Variants in POU2F1 observed in about 807,000 individuals in gnomAD.
POU2F1 encodes POU class 2 homeobox 1, also known as POU domain, class 2, transcription factor 1.
In POU2F1, 16 loss-of-function variants were observed where a neutral mutation model predicts 84.9. The ratio of observed to expected loss-of-function variants is 0.19; its 90% CI spans 0.13 to 0.29. The LOEUF is 0.29. POU2F1 is among the 10% of genes least tolerant of loss of function. POU2F1 has a pLI of 1.00. For synonymous variants in POU2F1, 368 were observed against 368.3 expected (o/e 1.00, Z 0.01); for missense variants, 738 against 942.6 (o/e 0.78, Z 2.84).
intron 1 of POU2F1, among the ~76,000 whole-genome samples, chr1:167,302,411 T>A (rs1259483462): frequency 1.3e-5 from 2 of 151,908 alleles, no homozygotes; most frequent in African/African-American, 2.4e-5. Flanking sequence ...CAGGCATGCA[T>A]CACCATGCCT....
At chr1:167,275,651 A>G (rs930822684) in intron 1 of POU2F1, among the ~76,000 whole-genome samples, 1 of 151,992 alleles carries the variant, frequency 6.6e-6, no homozygotes, top group African/African-American at 2.4e-5. Context: ...TAGGGCAAGG[A>G]AAAAAAAGAC....
chr1:167,324,412 G>A (rs183900898), intron 1 of POU2F1, among the ~76,000 whole-genome samples: 63 of 147,304 alleles, frequency 4.3e-4, no homozygotes, highest in African/African-American at 1.7e-3. Flanking sequence ...AGTGAAAAAC[G>A]TAAAAATCTT....
At chr1:167,231,726 A>C (rs760526632) in intron 1 of POU2F1, among the ~76,000 whole-genome samples, 22 of 152,210 alleles carry the variant, frequency 1.4e-4, no homozygotes, top group Non-Finnish European at 2.8e-4. Flanking sequence ...AATGAGTAGA[A>C]TACGAGAGAT....
At chr1:167,265,736 T>C (rs913167786) in intron 1 of POU2F1, among the ~76,000 whole-genome samples, 13 of 151,656 alleles carry the variant, frequency 8.6e-5, no homozygotes, top group African/African-American at 3.2e-4. Context: ...ACATTTTTGA[T>C]TGTCACAACC....
intron 1 of POU2F1, among the ~76,000 whole-genome samples, chr1:167,284,476 C>T (rs1223360353): frequency 1.3e-5 from 2 of 152,148 alleles, no homozygotes; most frequent in Non-Finnish European, 2.9e-5. Context: ...TCCATTGCTA[C>T]CTGACAGAAT....
At chr1:167,231,984 A>G (rs112776918) in intron 1 of POU2F1, among the ~76,000 whole-genome samples, 6 of 152,164 alleles carry the variant, frequency 3.9e-5, no homozygotes, top group African/African-American at 1.2e-4. Context: ...AGGATTCCCT[A>G]CTCGTGTGCC....
chr1:167,291,701 T>A (rs1021136879), intron 1 of POU2F1, among the ~76,000 whole-genome samples: 2 of 152,206 alleles, frequency 1.3e-5, no homozygotes, highest in Non-Finnish European at 2.9e-5. Flanking sequence ...AGGTGCTAGG[T>A]GCTTTCCTCA....
chr1:167,262,720 TG>T (rs1473356763), intron 1 of POU2F1, among the ~76,000 whole-genome samples: 2 of 151,906 alleles, frequency 1.3e-5, no homozygotes, highest in African/African-American at 4.8e-5. Flanking sequence ...ATGCTTAGAG[TG>T]GCAGTAACAA....
chr1:167,415,421 T>C, intron 15 of POU2F1, 79 bp from the exon 16 acceptor site: 1 of 1,463,244 alleles, frequency 6.8e-7, no homozygotes, highest in Admixed American at 1.9e-5. Context: ...AATGATAGAC[T>C]TTTGATGTGT....
chr1:167,308,672 C>G (rs568621735), intron 1 of POU2F1, among the ~76,000 whole-genome samples: 1 of 152,200 alleles, frequency 6.6e-6, no homozygotes, highest in South Asian at 2.1e-4. Flanking sequence ...ACTATAGGTG[C>G]ATGCCACAAC....
chr1:167,389,609 A>G lies in POU2F1; in HGVS notation c.835A>G (p.Ile279Val), dbSNP rs1648243501. Reference sequence around the variant, plus strand: ...ACAGCCAGCAACCCCAACACGCACAATAGCAGCAACCCCAATTCAGACACT... The same window carrying G: ...ACAGCCAGCAACCCCAACACGCACAGTAGCAGCAACCCCAATTCAGACACT... The part of the protein sequence containing the change: ...TSQPATPTRT[I>V]AATPIQTLPQ... The change falls in exon 9 of 16, where the codon ATA becomes GTA. Residue 279 changes from isoleucine (I) to valine (V), a missense_variant. Physicochemically the swap from Ile to Val is conservative, Grantham distance 29. Transcript: ENST00000367866. 7 of 1,614,174 alleles carry G rather than the reference A, an allele frequency of 4.3e-6. No homozygotes were observed. The highest frequency in any genetic ancestry group is 2.7e-5 in the African/African-American group (2 of 75,042).
At chr1:167,392,944 T>C (rs904082801) in intron 9 of POU2F1, among the ~76,000 whole-genome samples, 1 of 152,362 alleles carries the variant, frequency 6.6e-6, no homozygotes, top group South Asian at 2.1e-4. Context: ...CAAAAAAAGC[T>C]CTATTCTCTG....
chr1:167,306,128 C>T (rs1322851012), intron 1 of POU2F1, among the ~76,000 whole-genome samples: 1 of 152,170 alleles, frequency 6.6e-6, no homozygotes, highest in Non-Finnish European at 1.5e-5. Flanking sequence ...TGTTTCCAGT[C>T]TCTGAATCAT....
chr1:167,285,441 A>G (rs1653456077), intron 1 of POU2F1, among the ~76,000 whole-genome samples: 1 of 152,064 alleles, frequency 6.6e-6, no homozygotes, highest in Non-Finnish European at 1.5e-5. Context: ...AAATACAAAA[A>G]ATTAGCCAGG....
chr1:167,271,971 A>G (rs578044633), intron 1 of POU2F1, among the ~76,000 whole-genome samples: 4 of 152,316 alleles, frequency 2.6e-5, no homozygotes, highest in Admixed American at 2.0e-4. Flanking sequence ...GGATATAACC[A>G]TACCCATTTG....
chr1:167,370,341 G>A (rs1456716114), intron 4 of POU2F1, 127 bp downstream of exon 4: 10 of 689,344 alleles, frequency 1.5e-5, no homozygotes, highest in African/African-American at 7.4e-5. Context: ...AGTGAATCTC[G>A]TGAAGATTCA....
At chr1:167,285,469 G>A (rs1384884774) in intron 1 of POU2F1, among the ~76,000 whole-genome samples, 1 of 152,110 alleles carries the variant, frequency 6.6e-6, no homozygotes, top group African/African-American at 2.4e-5. Context: ...GCAGGCGCCT[G>A]TAGTCCCAGC....
intron 1 of POU2F1, among the ~76,000 whole-genome samples, chr1:167,300,347 A>G (rs2102564147): frequency 6.6e-6 from 1 of 152,358 alleles, no homozygotes; most frequent in South Asian, 2.1e-4. Flanking sequence ...TGGGTTCAAT[A>G]GAAGCCAAAA....
chr1:167,390,022 G>A (rs569925492), intron 9 of POU2F1, among the ~76,000 whole-genome samples: 75 of 152,306 alleles, frequency 4.9e-4, no homozygotes, highest in African/African-American at 1.7e-3. Context: ...TAGAGTATAT[G>A]GGAGGATACA....
Sources: gnomAD v4.1 joint callset for allele counts (sites outside exome capture counted in the v4.1 genomes callset) on GRCh38, gnomAD v4.1.1 for gene constraint, MANE v1.5 for transcripts, NCBI Gene and HGNC (gene_info 2026-07-23, HGNC 2026-07-21) for gene names.